Variants in NDP observed in about 807,000 individuals in gnomAD.
NDP encodes norrin.
A neutral mutation model predicts 8.4 loss-of-function variants in NDP; 2 were observed. The ratio of observed to expected loss-of-function variants is 0.24; its 90% CI spans 0.10 to 0.75. NDP has a LOEUF of 0.75. Among genes scored for constraint, NDP ranks in the 30% least tolerant of loss-of-function variants. The pLI is 0.73. For missense variants in NDP, 81 were observed against 110.1 expected (o/e 0.74, Z 1.18); for synonymous variants, 55 against 45.6 (o/e 1.21, Z -0.83).
chrX:43,956,006 G>C (rs2035790988), intron 2 of NDP, among the ~76,000 whole-genome samples: 2 of 112,413 alleles, frequency 1.8e-5, no homozygotes, highest in South Asian at 7.5e-4. Flanking sequence ...GATCCAAGTA[G>C]TGGGAAGATG....
Position 43,958,653 on chromosome X carries a change from AG to A in NDP, c.-9del. 8.3e-7 allele frequency: 1 copy of A among 1,208,241 alleles called. No homozygotes were observed. The highest frequency in any genetic ancestry group is 1.1e-6 in the Non-Finnish European group (1 of 892,202). The stretch of plus-strand genomic sequence containing the variant: ...TAGTACATGTTTTCTCATTGTTGTA[AG>A]GAAAAACTTCTCTAGAAGAACAGCA... On this transcript the variant is annotated 5_prime_UTR_variant, in exon 2 of 3. Coordinates refer to ENST00000642620, the MANE Select transcript of NDP (RefSeq NM_000266.4).
chrX:43,954,052 A>AT (rs1460723033), intron 2 of NDP, among the ~76,000 whole-genome samples: 5 of 112,208 alleles, frequency 4.5e-5, no homozygotes, highest in Non-Finnish European at 9.4e-5. Flanking sequence ...CTAGAAGAGC[A>AT]TTTTTGCGAT....
chrX:43,971,693 A>T lies in NDP; in HGVS notation c.-208+1611T>A, dbSNP rs760264233. Among the ~76,000 whole-genome samples, 504 of 111,417 alleles carry T rather than the reference A, an allele frequency of 4.5e-3. 3 individuals are homozygous for T. The highest frequency in any genetic ancestry group is 0.014 in the Middle Eastern group (3 of 211). The stretch of plus-strand genomic sequence containing the variant: ...ATGCTTTGCTAACCGCAGTTTTTTT[A>T]AAAAAAAATTACAATAAAATTTTAC... On this transcript the variant is annotated intron_variant, in intron 1 of 2. Transcript: ENST00000642620.
chrX:43,953,471 T>C (rs1005330036), intron 2 of NDP: 1 of 112,607 alleles, frequency 8.9e-6, no homozygotes, highest in African/African-American at 3.2e-5. Context: ...TTCCAGTTGA[T>C]GTCAGTCCTA....
chrX:43,958,502 G>A lies in NDP; in HGVS notation c.144C>T (p.Ile48=), dbSNP rs2035808379. The stretch of plus-strand genomic sequence containing the variant: ...AGCTACACTTGTACAATGGGTGACT[G>A]ATAGAATCCACATAGTGGTGCCTCA... ...RCMRHHYVDS[I]SHPLYKCSSK... is the part of the protein sequence containing the mutation. The change falls in exon 2 of 3, where the codon ATC becomes ATT. Residue 48 remains isoleucine (I), a synonymous_variant. Coordinates refer to ENST00000642620, the MANE Select transcript of NDP (RefSeq NM_000266.4). 8.3e-7 allele frequency: 1 copy of A among 1,210,729 alleles called. No individual in the cohort carries two copies. The highest frequency in any genetic ancestry group is 1.1e-6 in the Non-Finnish European group (1 of 895,221).
chrX:43,950,665 G>A (rs932266543), intron 2 of NDP, among the ~76,000 whole-genome samples: 1 of 111,116 alleles, frequency 9.0e-6, no homozygotes, highest in African/African-American at 3.3e-5. Flanking sequence ...TGTTGAAGGA[G>A]CCTGGGATTT....
intron 2 of NDP, chrX:43,953,341 T>C (rs943343949): frequency 1.8e-5 from 2 of 112,537 alleles, no homozygotes; most frequent in African/African-American, 6.5e-5. Context: ...TCCTGATCTC[T>C]TCCGGATCAG....
chrX:43,953,127 A>AACACACAC (rs58114928), intron 2 of NDP, among the ~76,000 whole-genome samples: 273 of 98,233 alleles, frequency 2.8e-3, no homozygotes, highest in African/African-American at 9.9e-3. Context: ...TGATGTTCTC[A>AACACACAC]ACACACACAC....
intron 1 of NDP, among the ~76,000 whole-genome samples, chrX:43,971,789 A>G (rs956129258): frequency 6.3e-5 from 7 of 111,823 alleles, no homozygotes; most frequent in Non-Finnish European, 1.1e-4. Context: ...AAATTAACCT[A>G]TTCAAATATC....
intron 2 of NDP, chrX:43,953,414 T>C (rs182852338): frequency 1.1e-4 from 12 of 112,214 alleles, no homozygotes; most frequent in Non-Finnish European, 2.1e-4. Flanking sequence ...CAAGTTCTGA[T>C]TGAGTAGTTC....
At chrX:43,970,693 G>A (rs2035886841) in intron 1 of NDP, among the ~76,000 whole-genome samples, 2 of 111,173 alleles carry the variant, frequency 1.8e-5, no homozygotes, top group Non-Finnish European at 3.8e-5. Flanking sequence ...TGATACTGGG[G>A]GTGGGACAAG....
Position 43,958,686 on chromosome X carries a change from G to T in NDP, c.-41C>A. ...CTTCTCTAGAAGAACAGCAGAGGGA[G>T]GCAGAGGACAAAAAATTGGAAATGG... On this transcript the variant is annotated 5_prime_UTR_variant, in exon 2 of 3. Coordinates refer to ENST00000642620, the MANE Select transcript of NDP (RefSeq NM_000266.4). 4.3e-6 allele frequency: 5 copies of T among 1,153,974 alleles called. No individual in the cohort carries two copies. The South Asian group carries it at 7.2e-5, about 17-fold the overall frequency.
intron 2 of NDP, 188 bp from the exon 3 acceptor site, chrX:43,950,214 T>A: frequency 2.2e-6 from 1 of 460,024 alleles, no homozygotes. Context: ...ATTAAAATCC[T>A]TGGAGATAGG....
chrX:43,951,656 G>A (rs2035763044), intron 2 of NDP, among the ~76,000 whole-genome samples: 1 of 111,729 alleles, frequency 9.0e-6, no homozygotes, highest in African/African-American at 3.2e-5. Context: ...GAAAAAAATA[G>A]CCAGTCCATC....
chrX:43,971,424 GA>G (rs1438506721), intron 1 of NDP, among the ~76,000 whole-genome samples: 1 of 111,460 alleles, frequency 9.0e-6, no homozygotes, highest in Admixed American at 9.5e-5. Flanking sequence ...ATTGAAAAAT[GA>G]TTTATTTTTC....
intron 1 of NDP, among the ~76,000 whole-genome samples, chrX:43,961,541 G>T (rs1285737845): frequency 8.9e-6 from 1 of 111,969 alleles, no homozygotes; most frequent in Non-Finnish European, 1.9e-5. Flanking sequence ...GCTCTGAAAG[G>T]ATACCCAAGA....
intron 1 of NDP, among the ~76,000 whole-genome samples, chrX:43,965,767 A>G (rs1448575744): frequency 1.8e-5 from 2 of 111,906 alleles, no homozygotes; most frequent in African/African-American, 6.5e-5. Context: ...ATTGATTAGA[A>G]AAGTTGTCTT....
chrX:43,966,066 G>A (rs12838641), intron 1 of NDP, among the ~76,000 whole-genome samples: 27,229 of 111,288 alleles, frequency 0.24, 2,706 homozygotes, highest in Non-Finnish European at 0.3. Flanking sequence ...TACAAATCTT[G>A]CATAAATTGG....
At chrX:43,963,618 C>A (rs1286131350) in intron 1 of NDP, among the ~76,000 whole-genome samples, 1 of 111,757 alleles carries the variant, frequency 8.9e-6, no homozygotes, top group East Asian at 2.8e-4. Flanking sequence ...TGCTAGATAA[C>A]CCTAGATAAA....
Sources: gnomAD v4.1 joint callset for allele counts (sites outside exome capture counted in the v4.1 genomes callset) on GRCh38, gnomAD v4.1.1 for gene constraint, MANE v1.5 for transcripts, NCBI Gene and HGNC (gene_info 2026-07-23, HGNC 2026-07-21) for gene names.